The following NPIPA1 variants were observed in gnomAD, a reference collection of about 807,000 sequenced individuals.
NPIPA1 encodes nuclear pore complex interacting protein family member A1.
For synonymous variants in NPIPA1, 7 were observed against 88.0 expected (o/e 0.08, Z 5.15); for missense variants, 22 against 232.2 (o/e 0.09, Z 5.88).
chr16:14,938,648 G>A (rs1408586471), intron 1 of NPIPA1, among the ~76,000 whole-genome samples: 2 of 142,272 alleles, frequency 1.4e-5, no homozygotes, highest in East Asian at 2.5e-4. Flanking sequence ...GTTGCAGTGA[G>A]CCGAGATGGC....
chr16:14,943,234 G>A (rs1432215460), intron 2 of NPIPA1, among the ~76,000 whole-genome samples: 1 of 151,218 alleles, frequency 6.6e-6, no homozygotes, highest in Non-Finnish European at 1.5e-5. Context: ...TCGGCTCACT[G>A]CAACCTCCAC....
At chr16:14,943,182 A>G (rs1358651394) in intron 2 of NPIPA1, among the ~76,000 whole-genome samples, 2 of 151,716 alleles carry the variant, frequency 1.3e-5, no homozygotes, top group African/African-American at 4.8e-5. Context: ...CCCCAAAAGG[A>G]GTCTCCCTCT....
At chr16:14,948,569 G>A (rs1280869905) in intron 4 of NPIPA1, among the ~76,000 whole-genome samples, 6 of 152,126 alleles carry the variant, frequency 3.9e-5, no homozygotes, top group Non-Finnish European at 8.8e-5. Flanking sequence ...GTGAGGTCTG[G>A]TTTTTCACAC....
chr16:14,941,311 T>G (rs1487015474), intron 1 of NPIPA1, among the ~76,000 whole-genome samples: 80 of 128,572 alleles, frequency 6.2e-4, no homozygotes, highest in African/African-American at 2.2e-3. Flanking sequence ...GGCAGAGACC[T>G]GTAATCTCAG....
intron 2 of NPIPA1, among the ~76,000 whole-genome samples, chr16:14,943,144 C>CTTTTT (rs796144995): frequency 7.5e-6 from 1 of 133,060 alleles, no homozygotes; most frequent in Non-Finnish European, 1.6e-5. Flanking sequence ...TTGGAGGAAG[C>CTTTTT]TTTTTTTTTT....
chr16:14,944,792 G>C (rs1235729998), intron 2 of NPIPA1, among the ~76,000 whole-genome samples: 1 of 150,288 alleles, frequency 6.7e-6, no homozygotes, highest in Non-Finnish European at 1.5e-5. Context: ...TTTTAGTAGA[G>C]ACGGGGTTTC....
intron 1 of NPIPA1, among the ~76,000 whole-genome samples, chr16:14,937,934 C>T (rs1212545297): frequency 6.8e-6 from 1 of 146,992 alleles, no homozygotes; most frequent in African/African-American, 2.5e-5. Context: ...CTGATCTTCT[C>T]CGTGACCTGT....
At position 14,952,037 on chromosome 16, in the gene NPIPA1, TAAA is replaced by T. The variant is rs1470351119; in HGVS notation, c.*13_*15del. Reference sequence around the variant, plus strand: ...TCTCAAGAAACTAAGGAAGAATAAATAAATAATATAAAAATAAAATGAATACTG... The same window carrying T: ...TCTCAAGAAACTAAGGAAGAATAAATTAATATAAAAATAAAATGAATACTG... On this transcript the variant is annotated 3_prime_UTR_variant, in exon 8 of 8. Transcript: ENST00000328085. 2 of 1,562,790 alleles carry T rather than the reference TAAA, an allele frequency of 1.3e-6. No homozygotes were observed. Among genetic ancestry groups the T allele is most frequent in the Admixed American group, 1.9e-5 (1 of 52,222 alleles).
chr16:14,945,227 G>GTTGTGTGTGTGTGTGTGT (rs748459839), intron 2 of NPIPA1, among the ~76,000 whole-genome samples: 2 of 137,748 alleles, frequency 1.5e-5, no homozygotes, highest in East Asian at 2.5e-4. Flanking sequence ...ATTCTTGTGT[G>GTTGTGTGTGTGTGTGTGT]GTGTGTGTGT....
At position 14,951,893 on chromosome 16, in the gene NPIPA1, A is replaced by C. The variant is rs1410476636; in HGVS notation, c.921A>C (p.Thr307=). The C allele has an allele frequency of 1.9e-6, 3 of 1,587,098 alleles. No homozygotes were observed. In the African/African-American group the frequency reaches 4.1e-5, roughly 21 times the overall value. Residue 307 remains threonine (T), a synonymous_variant, in exon 8 of 8, where the codon ACA becomes ACC. Transcript: ENST00000328085. The part of the protein sequence containing the change: ...LPPSADDNLK[T]PPECLLTPLP... ...CCTCAGCGGATGATAATCTCAAGACACCTCCCGAGTGTCTGCTCACTCCCC... is the reference window on the plus strand; with the variant it reads ...CCTCAGCGGATGATAATCTCAAGACCCCTCCCGAGTGTCTGCTCACTCCCC...
rs754028828 is a variant in NPIPA1 at position 14,951,931 on chromosome 16, C to G, written c.959C>G (p.Ala320Gly). The G allele has an allele frequency of 6.4e-7, 1 of 1,558,254 alleles. No individual in the cohort carries two copies. Among genetic ancestry groups the G allele is most frequent in the Non-Finnish European group, 8.7e-7 (1 of 1,144,200 alleles). Residue 320 changes from alanine to glycine, a missense_variant, in exon 8 of 8, where the codon GCT becomes GGT. Physicochemically the swap from Ala to Gly is moderately conservative, Grantham distance 60 (BLOSUM62 0). Coordinates refer to ENST00000328085, the MANE Select transcript of NPIPA1 (RefSeq NM_006985.4). The part of the protein sequence containing the change: ...ECLLTPLPPS[A>G]PPSVDDNLKT... ...CTGCTCACTCCCCTTCCACCCTCAGCTCCACCCTCAGTGGATGATAATCTC... is the reference window on the plus strand; with the variant it reads ...CTGCTCACTCCCCTTCCACCCTCAGGTCCACCCTCAGTGGATGATAATCTC...
intron 2 of NPIPA1, among the ~76,000 whole-genome samples, chr16:14,942,859 G>C (rs1239023190): frequency 2.6e-5 from 4 of 152,258 alleles, no homozygotes; most frequent in Non-Finnish European, 5.9e-5. Context: ...TCTACATTTT[G>C]TCTTGCCATT....
intron 1 of NPIPA1, among the ~76,000 whole-genome samples, chr16:14,938,660 C>T (rs1175387778): frequency 1.4e-5 from 2 of 144,508 alleles, no homozygotes; most frequent in South Asian, 4.5e-4. Context: ...CGAGATGGCC[C>T]CGCTGCACTC....
chr16:14,950,426 AC>A (rs1383653639), intron 7 of NPIPA1, 171 bp downstream of exon 7: 1 of 688,788 alleles, frequency 1.5e-6, no homozygotes, highest in Non-Finnish European at 2.4e-6. Flanking sequence ...TTGCGCAAAA[AC>A]ACCTTCATCC....
chr16:14,946,263 TC>T (rs1386209261), intron 4 of NPIPA1, among the ~76,000 whole-genome samples: 1 of 106,176 alleles, frequency 9.4e-6, no homozygotes, highest in Non-Finnish European at 1.8e-5. Context: ...GGAGCTTTGC[TC>T]TTGTTGCCCA....
Position 14,951,764 on chromosome 16 carries a change from G to A in NPIPA1, c.792G>A (p.Lys264=). The A allele has an allele frequency of 6.6e-7, 1 of 1,513,728 alleles. No homozygotes were observed. The highest frequency in any genetic ancestry group is 8.9e-7 in the Non-Finnish European group (1 of 1,128,236). 93.8% of individuals were successfully genotyped at this position (1,513,728 alleles called of 1,614,324 possible). A position where few individuals can be genotyped will look rare whatever the true frequency, so the allele number is the denominator to read the frequency against. The change falls in exon 8 of 8, where the codon AAG becomes AAA. Residue 264 remains lysine (K), a synonymous_variant. Coordinates refer to ENST00000328085, the MANE Select transcript of NPIPA1 (RefSeq NM_006985.4). The stretch of plus-strand genomic sequence containing the variant: ...TAATTGATAACTCCCTGAGCCTCAA[G>A]ACACCTTCCGAGTGTCTGCTCACTC... ...HSIIDNSLSL[K]TPSECLLTPL... is the part of the protein sequence containing the mutation.
chr16:14,943,869 C>G (rs1298844891), intron 2 of NPIPA1, among the ~76,000 whole-genome samples: 1 of 151,518 alleles, frequency 6.6e-6, no homozygotes, highest in African/African-American at 2.4e-5. Flanking sequence ...TTATTTCAGG[C>G]CAGGTGTGGT....
intron 4 of NPIPA1, among the ~76,000 whole-genome samples, chr16:14,948,025 T>C (rs1965933438): frequency 6.6e-6 from 1 of 152,364 alleles, no homozygotes. Flanking sequence ...ACTTTCTCTT[T>C]GAAGTGTTTT....
chr16:14,944,638 A>C, intron 2 of NPIPA1, among the ~76,000 whole-genome samples: 1 of 147,082 alleles, frequency 6.8e-6, no homozygotes, highest in Admixed American at 6.9e-5. Flanking sequence ...ACGGAGTCTC[A>C]CTCTGTCACC....
Sources: gnomAD v4.1 joint callset for allele counts (sites outside exome capture counted in the v4.1 genomes callset) on GRCh38, gnomAD v4.1.1 for gene constraint, MANE v1.5 for transcripts, NCBI Gene and HGNC (gene_info 2026-07-23, HGNC 2026-07-21) for gene names.